Variants in SGK3 observed in about 807,000 individuals in gnomAD.
SGK3 encodes serum/glucocorticoid regulated kinase family member 3.
A neutral mutation model predicts 68.5 loss-of-function variants in SGK3; 47 were observed. The observed-to-expected ratio is 0.69, with a 90% CI of 0.54 to 0.87. The LOEUF (loss-of-function observed/expected upper bound fraction) is 0.87. Among genes scored for constraint, SGK3 ranks in the 40% least tolerant of loss-of-function variants. The probability of loss-of-function intolerance (pLI) is 0.00; values close to 1 mark genes in which losing one functional copy is unlikely to be tolerated. For missense variants in SGK3, 479 were observed against 575.5 expected (o/e 0.83, Z 1.72); for synonymous variants, 181 against 189.1 (o/e 0.96, Z 0.35).
intron 16 of SGK3, among the ~76,000 whole-genome samples, chr8:66,856,848 T>C (rs914214310): frequency 6.6e-6 from 1 of 152,144 alleles, no homozygotes; most frequent in East Asian, 1.9e-4. Flanking sequence ...ATCCAAGCAC[T>C]TTGAGAGGCC....
Position 66,814,285 on chromosome 8 carries a change from G to A in SGK3, c.329+357G>A, listed in dbSNP as rs529371750. Among the ~76,000 whole-genome samples, 117 of 152,238 alleles carry A rather than the reference G, an allele frequency of 7.7e-4. 1 individual carries two copies. The highest frequency in any genetic ancestry group is 2.7e-3 in the African/African-American group (114 of 41,546). ...TATAAAGCTAAGTGTCGTCCCTACC[G>A]TCCAGAGGCACAGGCTCCCAGTGTA... On this transcript the variant is annotated intron_variant, in intron 5 of 16. Coordinates refer to ENST00000521198, the MANE Select transcript of SGK3 (RefSeq NM_001033578.3).
At chr8:66,789,753 A>G (rs958831788) in intron 1 of SGK3, among the ~76,000 whole-genome samples, 4 of 152,204 alleles carry the variant, frequency 2.6e-5, no homozygotes, top group African/African-American at 7.2e-5. Flanking sequence ...GCCTGGAGAA[A>G]GATCAACAGT....
intron 5 of SGK3, among the ~76,000 whole-genome samples, chr8:66,819,008 C>T (rs1224482638): frequency 6.6e-6 from 1 of 152,192 alleles, no homozygotes; most frequent in African/African-American, 2.4e-5. Context: ...ACCAGTTGTA[C>T]ACTTTCCATC....
intron 1 of SGK3, among the ~76,000 whole-genome samples, chr8:66,757,226 G>A (rs1408372987): frequency 6.7e-6 from 1 of 148,892 alleles, no homozygotes; most frequent in African/African-American, 2.5e-5. Context: ...CAACCTCCTT[G>A]GCTCAAGTGA....
chr8:66,788,677 T>C (rs1807309741), intron 1 of SGK3, among the ~76,000 whole-genome samples: 1 of 152,204 alleles, frequency 6.6e-6, no homozygotes, highest in Non-Finnish European at 1.5e-5. Flanking sequence ...GTTTTACCTC[T>C]TTCTCAGTGG....
chr8:66,782,508 C>A (rs972540831), intron 1 of SGK3, among the ~76,000 whole-genome samples: 1 of 152,114 alleles, frequency 6.6e-6, no homozygotes, highest in African/African-American at 2.4e-5. Context: ...TCCATAGATT[C>A]CATTAGGGTT....
intron 1 of SGK3, among the ~76,000 whole-genome samples, chr8:66,723,416 C>T (rs1385732762): frequency 2.0e-5 from 3 of 151,604 alleles, no homozygotes; most frequent in Non-Finnish European, 4.4e-5. Context: ...TGCACTCCAG[C>T]CTGGGCAACA....
chr8:66,842,411 G>A lies in SGK3; in HGVS notation c.979-1041G>A, dbSNP rs530734075. The stretch of plus-strand genomic sequence containing the variant: ...AATTTTTTGTATTTTTGGTAGAGAC[G>A]GGGTTTCACCGTGTTAGCCAGGATG... On this transcript the variant is annotated intron_variant, in intron 13 of 16. Coordinates refer to ENST00000521198, the MANE Select transcript of SGK3 (RefSeq NM_001033578.3). 5.1e-4 allele frequency among the ~76,000 whole-genome samples: 77 copies of A among 151,876 alleles called. No individual in the cohort carries two copies. The East Asian group carries it at 0.013, about 26-fold the overall frequency.
intron 16 of SGK3, among the ~76,000 whole-genome samples, chr8:66,857,102 G>C (rs1461565324): frequency 6.6e-6 from 1 of 151,970 alleles, no homozygotes; most frequent in Non-Finnish European, 1.5e-5. Flanking sequence ...CAAAAAAAAA[G>C]GACAGCTAGC....
At chr8:66,798,745 C>A (rs1807806498) in intron 3 of SGK3, 120 bp downstream of exon 3, 1 of 832,386 alleles carries the variant, frequency 1.2e-6, no homozygotes, top group Non-Finnish European at 1.8e-6. Flanking sequence ...GACAGGCAGA[C>A]AAAGGTAAGA....
chr8:66,770,353 A>G (rs1806468134), intron 1 of SGK3, among the ~76,000 whole-genome samples: 1 of 152,146 alleles, frequency 6.6e-6, no homozygotes, highest in Non-Finnish European at 1.5e-5. Flanking sequence ...AATGTCAGAC[A>G]TTGTGATTTT....
chr8:66,835,000 T>C (rs1298203453), intron 8 of SGK3, among the ~76,000 whole-genome samples: 2 of 150,868 alleles, frequency 1.3e-5, no homozygotes, highest in East Asian at 3.9e-4. Flanking sequence ...CTGGGTGCGG[T>C]GGCTTACGCC....
chr8:66,850,769 A>T, intron 15 of SGK3, 62 bp from the exon 16 acceptor site: 1 of 1,479,320 alleles, frequency 6.8e-7, no homozygotes, highest in East Asian at 2.5e-5. Context: ...TCATAAAATT[A>T]TGCAGTTAGT....
chr8:66,742,975 C>T (rs999711247), intron 1 of SGK3, among the ~76,000 whole-genome samples: 2 of 152,162 alleles, frequency 1.3e-5, no homozygotes, highest in African/African-American at 4.8e-5. Context: ...ACCTTCCTTT[C>T]ACCTGTAACA....
intron 16 of SGK3, among the ~76,000 whole-genome samples, chr8:66,853,658 C>T (rs1348078312): frequency 2.0e-5 from 3 of 152,262 alleles, no homozygotes; most frequent in African/African-American, 4.8e-5. Flanking sequence ...GGACTGGAAG[C>T]AGTTTATTTC....
intron 1 of SGK3, among the ~76,000 whole-genome samples, chr8:66,733,495 T>C (rs992347508): frequency 6.6e-6 from 1 of 152,172 alleles, no homozygotes; most frequent in Admixed American, 6.6e-5. Context: ...AAATAATGGG[T>C]GTAAAAATGC....
chr8:66,798,019 T>C (rs1807770874), intron 2 of SGK3, among the ~76,000 whole-genome samples: 1 of 152,156 alleles, frequency 6.6e-6, no homozygotes, highest in South Asian at 2.1e-4. Context: ...ACTTTTTTTT[T>C]TTTTCCAAGT....
intron 1 of SGK3, among the ~76,000 whole-genome samples, chr8:66,718,424 A>T (rs985310767): frequency 4.7e-5 from 7 of 148,192 alleles, no homozygotes; most frequent in Admixed American, 4.1e-4. Flanking sequence ...ATATATGTGT[A>T]TATATATACA....
intron 1 of SGK3, among the ~76,000 whole-genome samples, chr8:66,735,636 C>T (rs1230668946): frequency 6.6e-6 from 1 of 152,102 alleles, no homozygotes; most frequent in African/African-American, 2.4e-5. Flanking sequence ...GAGTTTCAGA[C>T]TTATTTTTAT....
Sources: allele counts gnomAD v4.1 joint callset (sites outside exome capture counted in the v4.1 genomes callset), GRCh38; gene constraint gnomAD v4.1.1; transcripts MANE v1.5; gene names NCBI Gene and HGNC (gene_info 2026-07-23, HGNC 2026-07-21).